Variants in SRP54 observed in about 807,000 individuals in gnomAD.
The protein encoded by SRP54 is signal recognition particle subunit SRP54.
Under a neutral mutation model 64.8 loss-of-function variants are expected in SRP54, and 10 were observed. The ratio of observed to expected loss-of-function variants is 0.15; its 90% CI spans 0.10 to 0.26. The LOEUF (loss-of-function observed/expected upper bound fraction) is 0.26. Ranked by LOEUF, SRP54 falls within the 10% of genes least tolerant of loss-of-function variation. The pLI, the probability that SRP54 is intolerant of heterozygous loss-of-function variation, is 1.00. For synonymous variants in SRP54, 193 were observed against 185.6 expected, an observed-to-expected ratio of 1.04 and a Z score of -0.32; for missense variants, 325 against 613.7, an observed-to-expected ratio of 0.53 and a Z score of 4.97.
chr14:35,007,779 AT>A (rs1246104973), intron 5 of SRP54, among the ~76,000 whole-genome samples: 376 of 132,380 alleles, frequency 2.8e-3, no homozygotes, highest in South Asian at 5.2e-3. Flanking sequence ...ATATATTTAC[AT>A]TAAAATATAT....
Position 35,018,675 on chromosome 14 carries a change from T to C in SRP54, c.974-17T>C. 2 of 1,598,278 alleles carry C rather than the reference T, an allele frequency of 1.3e-6. No individual in the cohort carries two copies. The highest frequency in any genetic ancestry group is 2.2e-5 in the East Asian group (1 of 44,718). On this transcript the variant is annotated splice_polypyrimidine_tract_variant and intron_variant, in intron 11 of 15. Coordinates refer to ENST00000216774, the MANE Select transcript of SRP54 (RefSeq NM_003136.4). Reference sequence around the variant, plus strand: ...TACATACTTTAATATATCCGAATTATTTACATTGTATTTCAGGTCAGTTTA... The same window carrying C: ...TACATACTTTAATATATCCGAATTACTTACATTGTATTTCAGGTCAGTTTA...
intron 8 of SRP54, 28 bp downstream of exon 8, chr14:35,011,687 A>G: frequency 6.9e-7 from 1 of 1,458,260 alleles, no homozygotes; most frequent in Non-Finnish European, 9.2e-7. Context: ...TAACACTATT[A>G]TTAGGACTTT....
chr14:34,989,010 A>G (rs1414008085), intron 1 of SRP54, among the ~76,000 whole-genome samples: 1 of 152,196 alleles, frequency 6.6e-6, no homozygotes, highest in Non-Finnish European at 1.5e-5. Flanking sequence ...TTTAGGGAAT[A>G]ATGACAAGAA....
At chr14:34,998,314 C>CT (rs998318001) in intron 2 of SRP54, among the ~76,000 whole-genome samples, 9 of 152,122 alleles carry the variant, frequency 5.9e-5, no homozygotes, top group African/African-American at 2.2e-4. Flanking sequence ...ACATGAGTGG[C>CT]TAAAGCCTCA....
At chr14:35,006,100 A>G (rs1035955183) in intron 4 of SRP54, among the ~76,000 whole-genome samples, 4 of 151,764 alleles carry the variant, frequency 2.6e-5, no homozygotes, top group Admixed American at 6.6e-5. Flanking sequence ...CTGCCTCCCA[A>G]AGTGCTGGGA....
intron 1 of SRP54, among the ~76,000 whole-genome samples, chr14:34,993,701 A>G (rs2044019883): frequency 6.6e-6 from 1 of 151,794 alleles, no homozygotes; most frequent in Admixed American, 6.6e-5. Context: ...TAATTAATTT[A>G]TTTATTTATT....
intron 14 of SRP54, 119 bp downstream of exon 14, chr14:35,023,199 C>T (rs1378087124): frequency 1.0e-5 from 8 of 778,868 alleles, no homozygotes; most frequent in Admixed American, 6.1e-5. Flanking sequence ...CAAGTACTTC[C>T]AGGATTTATG....
intron 1 of SRP54, among the ~76,000 whole-genome samples, chr14:34,994,884 C>T (rs534813392): frequency 6.6e-6 from 1 of 151,538 alleles, no homozygotes; most frequent in East Asian, 1.9e-4. Flanking sequence ...CCTCCCCTCA[C>T]CCTCCCGAGT....
chr14:34,995,190 G>T (rs1474895138), intron 1 of SRP54, among the ~76,000 whole-genome samples: 2 of 109,784 alleles, frequency 1.8e-5, no homozygotes, highest in East Asian at 2.3e-4. Context: ...TGTGTGTGTA[G>T]AGAGAGAGAG....
chr14:34,998,593 C>T (rs1053158031), intron 2 of SRP54, among the ~76,000 whole-genome samples: 1 of 151,982 alleles, frequency 6.6e-6, no homozygotes, highest in Non-Finnish European at 1.5e-5. Flanking sequence ...GGGCGGATCA[C>T]CTGAGGTCAG....
At chr14:35,014,445 T>A (rs1265401340) in intron 10 of SRP54, among the ~76,000 whole-genome samples, 1 of 151,212 alleles carries the variant, frequency 6.6e-6, no homozygotes, top group Non-Finnish European at 1.5e-5. Flanking sequence ...GTCCAGCTAA[T>A]TTTTTTTTAT....
At chr14:35,026,886 T>G (rs2044636102) in intron 14 of SRP54, among the ~76,000 whole-genome samples, 2 of 152,070 alleles carry the variant, frequency 1.3e-5, no homozygotes, top group Admixed American at 1.3e-4. Flanking sequence ...GGGGTTGCAG[T>G]GGGCTGAGTT....
At chr14:35,005,318 C>T (rs2044239077) in intron 4 of SRP54, among the ~76,000 whole-genome samples, 1 of 152,084 alleles carries the variant, frequency 6.6e-6, no homozygotes, top group Non-Finnish European at 1.5e-5. Context: ...GCCTGGGTAA[C>T]AGAGTAAGAC....
At chr14:35,008,597 T>C (rs1414896404) in intron 5 of SRP54, 30 bp from the exon 6 acceptor site, 2 of 1,408,364 alleles carry the variant, frequency 1.4e-6, no homozygotes, top group Admixed American at 2.1e-5. Flanking sequence ...TATTTTATGA[T>C]ATTATATTTT....
At chr14:34,993,598 C>G (rs1347261663) in intron 1 of SRP54, among the ~76,000 whole-genome samples, 2 of 151,954 alleles carry the variant, frequency 1.3e-5, no homozygotes, top group Non-Finnish European at 2.9e-5. Flanking sequence ...ATGCATTTTC[C>G]CTTCCTGCCT....
At chr14:34,987,847 G>T (rs760883638) in intron 1 of SRP54, among the ~76,000 whole-genome samples, 7 of 152,084 alleles carry the variant, frequency 4.6e-5, no homozygotes, top group Non-Finnish European at 1.0e-4. Context: ...AACAAAATAT[G>T]GATTATACTA....
intron 1 of SRP54, among the ~76,000 whole-genome samples, chr14:34,994,926 TGGCTAC>T (rs1338663696): frequency 7.4e-6 from 1 of 134,850 alleles, no homozygotes. Flanking sequence ...CCGCCATGCC[TGGCTAC>T]TTTTTTTTTT....
chr14:34,985,274 A>G (rs1254859014), intron 1 of SRP54, among the ~76,000 whole-genome samples: 1 of 152,218 alleles, frequency 6.6e-6, no homozygotes, highest in Non-Finnish European at 1.5e-5. Context: ...ATAAAAAGTG[A>G]AACATTAAAA....
chr14:35,014,290 T>TTTTTTTTTTTTGTTTTTTG (rs376712278), intron 10 of SRP54, among the ~76,000 whole-genome samples: 2 of 127,284 alleles, frequency 1.6e-5, no homozygotes, highest in East Asian at 5.4e-4. Context: ...TTTTTTTTTT[T>TTTTTTTTTTTTGTTTTTTG]TTTTGAGACG....
Sources: allele counts gnomAD v4.1 joint callset (sites outside exome capture counted in the v4.1 genomes callset), GRCh38; gene constraint gnomAD v4.1.1; transcripts MANE v1.5; gene names NCBI Gene and HGNC (gene_info 2026-07-23, HGNC 2026-07-21).